ELSPBP1: variants seen among roughly 807,000 people sequenced by gnomAD.
ELSPBP1 encodes the protein epididymal sperm binding protein 1, also known as epididymal sperm-binding protein 1.
ELSPBP1 carries 38 observed loss-of-function variants against 33.3 expected under a neutral mutation model. That is an observed-to-expected ratio of 1.14 (90% CI 0.88 to 1.50). The LOEUF is 1.50. Among genes scored for constraint, ELSPBP1 ranks in the 40% most tolerant of loss-of-function variants. The probability of loss-of-function intolerance (pLI) is 0.00; values close to 1 mark genes in which losing one functional copy is unlikely to be tolerated. For missense variants in ELSPBP1, 267 were observed against 263.5 expected (o/e 1.01, Z -0.09); for synonymous variants, 85 against 94.1 (o/e 0.90, Z 0.56).
chr19:48,010,785 G>A (rs1600106201), intron 2 of ELSPBP1, among the ~76,000 whole-genome samples: 1 of 152,160 alleles, frequency 6.6e-6, no homozygotes, highest in African/African-American at 2.4e-5. Flanking sequence ...CAGGTCAGCA[G>A]GGTCTGGATT....
chr19:48,003,836 G>A (rs1316549438), intron 1 of ELSPBP1, among the ~76,000 whole-genome samples: 4 of 150,598 alleles, frequency 2.7e-5, no homozygotes, highest in South Asian at 4.2e-4. Context: ...ATGAGCTACC[G>A]TGTCCGGCCC....
intron 1 of ELSPBP1, among the ~76,000 whole-genome samples, chr19:47,995,053 C>T (rs1312566959): frequency 6.6e-6 from 1 of 152,180 alleles, no homozygotes; most frequent in Non-Finnish European, 1.5e-5. Context: ...ATAATGAATA[C>T]AAATAATTAT....
At chr19:48,017,896 CAAAAAAAAAAAA>C (rs60130865) in intron 4 of ELSPBP1, among the ~76,000 whole-genome samples, 5 of 66,124 alleles carry the variant, frequency 7.6e-5, no homozygotes, top group South Asian at 1.5e-3. Context: ...GATCTTGTCT[CAAAAAAAAAAAA>C]AAAAAAAAAA....
At chr19:47,997,695 A>T (rs949675286) in intron 1 of ELSPBP1, among the ~76,000 whole-genome samples, 1 of 152,160 alleles carries the variant, frequency 6.6e-6, no homozygotes. Flanking sequence ...TGCTGGGATT[A>T]CAGGTGTGAG....
intron 4 of ELSPBP1, among the ~76,000 whole-genome samples, chr19:48,016,846 G>A (rs893290360): frequency 6.6e-5 from 10 of 152,050 alleles, no homozygotes; most frequent in Middle Eastern, 3.4e-3. Context: ...TGATCCATCC[G>A]CCTCGGCCTC....
At position 48,014,251 on chromosome 19, in the gene ELSPBP1, C is replaced by T. The variant is rs753173798; in HGVS notation, c.151C>T (p.Pro51Ser). Reference protein sequence around the residue: ...FTCTHIHSLSPWCATRAVYNG... With the variant: ...FTCTHIHSLSSWCATRAVYNG... ...TTGCACCCATATTCATAGCTTATCC[C>T]CTTGGTGTGCCACCAGAGCCGTGTA... The change falls in exon 3 of 7, where the codon CCT becomes TCT. Residue 51 changes from proline to serine, a missense_variant. Physicochemically the swap from Pro to Ser is moderately conservative, Grantham distance 74. Transcript: ENST00000339841. 4 of 1,613,908 alleles carry T rather than the reference C, an allele frequency of 2.5e-6. No homozygotes were observed. The highest frequency in any genetic ancestry group is 1.3e-5 in the African/African-American group (1 of 74,902).
chr19:47,998,620 A>C (rs1217163547), intron 1 of ELSPBP1, among the ~76,000 whole-genome samples: 2 of 151,546 alleles, frequency 1.3e-5, no homozygotes, highest in Non-Finnish European at 2.9e-5. Context: ...CCCCGTCTTT[A>C]CTAAAAATAC....
At chr19:48,000,161 T>C (rs1194026110) in intron 1 of ELSPBP1, among the ~76,000 whole-genome samples, 1 of 151,612 alleles carries the variant, frequency 6.6e-6, no homozygotes, top group East Asian at 2.0e-4. Flanking sequence ...GCACTCAGCA[T>C]GTGCCAAGAA....
In ELSPBP1 at chr19:47,997,715, T is replaced by A. The variant is rs144908919; in HGVS notation, c.-18+2904T>A. Among the ~76,000 whole-genome samples, 760 of 152,260 alleles carry A rather than the reference T, an allele frequency of 5.0e-3. 6 individuals carry two copies. Among genetic ancestry groups the A allele is most frequent in the African/African-American group, 0.017 (709 of 41,546 alleles). ...GGATTACAGGTGTGAGCCACTGATG[T>A]GATATTTTGATACATGCAGACAGTA... On this transcript the variant is annotated intron_variant, in intron 1 of 6. Transcript: ENST00000339841.
intron 4 of ELSPBP1, among the ~76,000 whole-genome samples, chr19:48,017,830 G>A (rs1967157936): frequency 7.1e-6 from 1 of 141,516 alleles, no homozygotes; most frequent in Non-Finnish European, 1.5e-5. Context: ...CCAGGAGTTT[G>A]AGGCTGCAGT....
intron 2 of ELSPBP1, among the ~76,000 whole-genome samples, chr19:48,010,578 TTGACTC>T (rs1346308440): frequency 6.6e-6 from 1 of 152,168 alleles, no homozygotes; most frequent in Non-Finnish European, 1.5e-5. Context: ...TTTATAGAGA[TTGACTC>T]TGAGTATTAT....
intron 2 of ELSPBP1, among the ~76,000 whole-genome samples, chr19:48,013,337 T>C (rs975488329): frequency 6.6e-6 from 1 of 152,178 alleles, no homozygotes; most frequent in East Asian, 1.9e-4. Context: ...TGCTCTGACA[T>C]GTCATTAGGA....
At chr19:48,012,751 G>C (rs1304784482) in intron 2 of ELSPBP1, among the ~76,000 whole-genome samples, 1 of 152,144 alleles carries the variant, frequency 6.6e-6, no homozygotes, top group Non-Finnish European at 1.5e-5. Flanking sequence ...GGTACCACCA[G>C]TACTATTATT....
chr19:48,023,500 G>GAGGGAAGT (rs1967232619), intron 6 of ELSPBP1, among the ~76,000 whole-genome samples: 1 of 88,588 alleles, frequency 1.1e-5, no homozygotes, highest in Non-Finnish European at 2.7e-5. Context: ...GGGAGGGAAG[G>GAGGGAAGT]AAAAGAGGAA....
intron 2 of ELSPBP1, among the ~76,000 whole-genome samples, chr19:48,010,860 T>C (rs1300159821): frequency 1.3e-5 from 2 of 152,228 alleles, no homozygotes; most frequent in Non-Finnish European, 2.9e-5. Context: ...AGATGGCTAA[T>C]AGTATTCATT....
chr19:48,023,532 G>GAAGAAAGGAAGGAAGA (rs796385106), intron 6 of ELSPBP1, among the ~76,000 whole-genome samples: 1 of 108,046 alleles, frequency 9.3e-6, no homozygotes. Context: ...AGGAAGGGAG[G>GAAGAAAGGAAGGAAGA]AAGGAAAGAA....
At chr19:48,019,900 G>C in intron 5 of ELSPBP1, 23 bp downstream of exon 5, 1 of 1,597,760 alleles carries the variant, frequency 6.3e-7, no homozygotes, top group Non-Finnish European at 8.5e-7. Flanking sequence ...TGGGGGTTGG[G>C]TGGGTGTGGG....
At chr19:48,010,321 A>G (rs999295186) in intron 2 of ELSPBP1, among the ~76,000 whole-genome samples, 1 of 152,160 alleles carries the variant, frequency 6.6e-6, no homozygotes, top group Non-Finnish European at 1.5e-5. Flanking sequence ...CATTTTTGTC[A>G]TGCCTCCCTG....
intron 4 of ELSPBP1, among the ~76,000 whole-genome samples, chr19:48,018,235 A>G (rs1967163076): frequency 6.6e-6 from 1 of 152,194 alleles, no homozygotes; most frequent in Non-Finnish European, 1.5e-5. Context: ...CTAACCCAGG[A>G]AATTCGTGCC....
Sources: gnomAD v4.1 joint callset for allele counts (sites outside exome capture counted in the v4.1 genomes callset) on GRCh38, gnomAD v4.1.1 for gene constraint, MANE v1.5 for transcripts, NCBI Gene and HGNC (gene_info 2026-07-23, HGNC 2026-07-21) for gene names.